NR1H4: variants seen among roughly 807,000 people sequenced by gnomAD.
NR1H4 encodes nuclear receptor subfamily 1 group H member 4.
A neutral mutation model predicts 58.5 loss-of-function variants in NR1H4; 23 were observed. The ratio of observed to expected loss-of-function variants is 0.39; its 90% CI spans 0.28 to 0.56. The LOEUF (loss-of-function observed/expected upper bound fraction) is 0.56. NR1H4 is among the 20% of genes least tolerant of loss of function. The probability of loss-of-function intolerance (pLI) is 0.58; values close to 1 mark genes in which losing one functional copy is unlikely to be tolerated. For missense variants in NR1H4, 487 were observed against 576.9 expected (o/e 0.84, Z 1.60); for synonymous variants, 214 against 198.0 (o/e 1.08, Z -0.68).
At chr12:100,520,589 C>T (rs1050884689) in intron 4 of NR1H4, among the ~76,000 whole-genome samples, 6 of 152,148 alleles carry the variant, frequency 3.9e-5, no homozygotes, top group South Asian at 2.1e-4. Flanking sequence ...ACTCCAGAGA[C>T]GGGGCTTGCC....
At chr12:100,537,546 C>T (rs1016839164) in intron 8 of NR1H4, among the ~76,000 whole-genome samples, 18 of 152,258 alleles carry the variant, frequency 1.2e-4, no homozygotes, top group African/African-American at 2.6e-4. Context: ...CACATACACA[C>T]GAAGTGCTGT....
At chr12:100,492,062 G>A (rs12231754) in intron 1 of NR1H4, among the ~76,000 whole-genome samples, 5,532 of 152,228 alleles carry the variant, frequency 0.036, 369 homozygotes, top group East Asian at 0.29. Context: ...GATCATGAAT[G>A]TTTATTTTCC....
intron 9 of NR1H4, among the ~76,000 whole-genome samples, chr12:100,543,200 G>A (rs976506669): frequency 6.6e-6 from 1 of 152,150 alleles, no homozygotes; most frequent in Non-Finnish European, 1.5e-5. Context: ...GTGAGTAGCT[G>A]AGCTGACTGA....
In NR1H4 at chr12:100,557,034, C is replaced by T. The variant is rs575515294; in HGVS notation, c.1079-4851C>T. ...ATTCATTTTATTTTAATTTTTTTTA[C>T]ATTTTATTTTAGATTCAGGAGGTAC... On this transcript the variant is annotated intron_variant, in intron 9 of 10. Transcript: ENST00000392986. 2.6e-5 allele frequency among the ~76,000 whole-genome samples: 4 copies of T among 151,928 alleles called. No individual in the cohort carries two copies. In the South Asian group the frequency reaches 8.3e-4, roughly 32 times the overall value.
chr12:100,550,795 A>G (rs1261788366), intron 9 of NR1H4, among the ~76,000 whole-genome samples: 2 of 152,216 alleles, frequency 1.3e-5, no homozygotes, highest in Non-Finnish European at 2.9e-5. Context: ...CCATCCCCAC[A>G]AGGGACATAA....
intron 1 of NR1H4, among the ~76,000 whole-genome samples, chr12:100,485,742 C>A (rs541078324): frequency 4.6e-5 from 7 of 152,188 alleles, no homozygotes. Flanking sequence ...CCATGTTGGC[C>A]AGGCTGGTCT....
At chr12:100,538,153 T>C (rs1954855966) in intron 8 of NR1H4, among the ~76,000 whole-genome samples, 1 of 152,166 alleles carries the variant, frequency 6.6e-6, no homozygotes, top group African/African-American at 2.4e-5. Context: ...ACCAGACTGA[T>C]GAAGGCCTAA....
At chr12:100,552,534 C>A (rs1955225919) in intron 9 of NR1H4, among the ~76,000 whole-genome samples, 1 of 152,146 alleles carries the variant, frequency 6.6e-6, no homozygotes, top group South Asian at 2.1e-4. Context: ...TCATAAAGAA[C>A]TACGAAAACA....
intron 3 of NR1H4, chr12:100,505,591 C>T: frequency 1.4e-6 from 1 of 701,838 alleles, no homozygotes; most frequent in South Asian, 1.5e-5. Context: ...TCAGACTCCC[C>T]TGGAGTCCAT....
intron 3 of NR1H4, among the ~76,000 whole-genome samples, chr12:100,505,394 G>T (rs1428884749): frequency 6.6e-6 from 1 of 152,184 alleles, no homozygotes; most frequent in African/African-American, 2.4e-5. Flanking sequence ...TTAACAGTCA[G>T]ACTCTAAGTA....
intron 9 of NR1H4, among the ~76,000 whole-genome samples, chr12:100,550,789 C>T (rs551627190): frequency 3.3e-5 from 5 of 152,310 alleles, no homozygotes; most frequent in Non-Finnish European, 7.3e-5. Context: ...CTTTTTCCAT[C>T]CCCACAAGGG....
intron 4 of NR1H4, among the ~76,000 whole-genome samples, chr12:100,523,113 T>A (rs1954468577): frequency 6.6e-6 from 1 of 152,220 alleles, no homozygotes; most frequent in African/African-American, 2.4e-5. Context: ...TACTTTCAGT[T>A]CTTTAAGAAA....
intron 3 of NR1H4, among the ~76,000 whole-genome samples, chr12:100,501,614 C>T (rs1478326880): frequency 6.6e-6 from 1 of 152,116 alleles, no homozygotes; most frequent in Non-Finnish European, 1.5e-5. Flanking sequence ...TCCAAGGGTG[C>T]AAGTGAAGAT....
chr12:100,490,819 T>G (rs1953589505), intron 1 of NR1H4, among the ~76,000 whole-genome samples: 1 of 152,162 alleles, frequency 6.6e-6, no homozygotes, highest in South Asian at 2.1e-4. Flanking sequence ...TTTTGAGACT[T>G]TAGCTCTGTC....
chr12:100,535,619 G>T (rs1259447176), intron 6 of NR1H4, among the ~76,000 whole-genome samples: 1 of 152,208 alleles, frequency 6.6e-6, no homozygotes, highest in African/African-American at 2.4e-5. Context: ...AGCTATGATT[G>T]TCCAAACCAC....
At chr12:100,532,137 C>A (rs1312514033) in intron 4 of NR1H4, among the ~76,000 whole-genome samples, 1 of 152,208 alleles carries the variant, frequency 6.6e-6, no homozygotes, top group Non-Finnish European at 1.5e-5. Context: ...TTTGTACCCT[C>A]TGCACTTAGT....
At chr12:100,541,338 G>A (rs1954930427) in intron 9 of NR1H4, among the ~76,000 whole-genome samples, 1 of 150,974 alleles carries the variant, frequency 6.6e-6, no homozygotes, top group Admixed American at 6.6e-5. Context: ...CTGGAGTGTA[G>A]TGGTGTGATC....
At chr12:100,547,607 A>C (rs889039064) in intron 9 of NR1H4, among the ~76,000 whole-genome samples, 1 of 152,080 alleles carries the variant, frequency 6.6e-6, no homozygotes, top group African/African-American at 2.4e-5. Context: ...AGGCAGTTAC[A>C]CCTTGGGGCT....
intron 1 of NR1H4, among the ~76,000 whole-genome samples, chr12:100,486,116 G>A (rs182820179): frequency 7.9e-5 from 12 of 152,212 alleles, no homozygotes; most frequent in African/African-American, 2.9e-4. Flanking sequence ...TGTCTGGGTG[G>A]TAGTGTCAGG....
Sources: allele counts gnomAD v4.1 joint callset (sites outside exome capture counted in the v4.1 genomes callset), GRCh38; gene constraint gnomAD v4.1.1; transcripts MANE v1.5; gene names NCBI Gene and HGNC (gene_info 2026-07-23, HGNC 2026-07-21).